The following PACS1 variants were observed in gnomAD, a reference collection of about 807,000 sequenced individuals.
PACS1 encodes the protein PACS-1.
In PACS1, 24 loss-of-function variants were observed where a neutral mutation model predicts 115.0. That is an observed-to-expected ratio of 0.21 (90% CI 0.15 to 0.29). The LOEUF (loss-of-function observed/expected upper bound fraction) is 0.29. Ranked by LOEUF, PACS1 falls within the 10% of genes least tolerant of loss-of-function variation. The probability of loss-of-function intolerance (pLI) is 1.00; values close to 1 mark genes in which losing one functional copy is unlikely to be tolerated. For synonymous variants in PACS1, 453 were observed against 504.5 expected (o/e 0.90, Z 1.37); for missense variants, 838 against 1,251.2 (o/e 0.67, Z 4.98).
rs149888487 is a variant in PACS1, at chr11:66,215,878, C to T, written c.661-241C>T. ...TCACGCCACTGCACTCCAGCCTGGG[C>T]GACAGTGAGAGACTCCGTCTCAAAA... On this transcript the variant is annotated intron_variant, in intron 4 of 23. Transcript: ENST00000320580. Among the ~76,000 whole-genome samples, 5,612 of 149,350 alleles carry T rather than the reference C, an allele frequency of 0.038. 185 individuals are homozygous for T. The highest frequency in any genetic ancestry group is 0.066 in the Admixed American group (981 of 14,954).
At chr11:66,227,457 T>G (rs1855490474) in intron 10 of PACS1, 47 bp from the exon 11 acceptor site, 4 of 1,037,530 alleles carry the variant, frequency 3.9e-6, no homozygotes, top group East Asian at 2.4e-5. Flanking sequence ...CAAATTAAAG[T>G]GGTAGTTATT....
intron 2 of PACS1, among the ~76,000 whole-genome samples, chr11:66,202,742 A>AAAAATATAT (rs1200930188): frequency 5.6e-5 from 4 of 71,608 alleles, no homozygotes; most frequent in African/African-American, 2.4e-4. Flanking sequence ...AAAAAAAAAA[A>AAAAATATAT]ATATATATAT....
Position 66,236,688 on chromosome 11 carries a change from G to A in PACS1, c.2250+748G>A, listed in dbSNP as rs1421742347. 6.6e-6 allele frequency among the ~76,000 whole-genome samples: 1 copy of A among 152,198 alleles called. No individual in the cohort carries two copies. Among genetic ancestry groups the A allele is most frequent in the Non-Finnish European group, 1.5e-5 (1 of 68,036 alleles). On this transcript the variant is annotated intron_variant, in intron 19 of 23. Transcript: ENST00000320580. This position sits in a 1 kb window ranked among gnomAD's most constrained non-coding sequence, Gnocchi z 4.2. ...CCAGAGGCCAGAGCATGGCACCGGA[G>A]CAGGACTGAAAACTCCGATTTCCAC... is the stretch of plus-strand genomic sequence containing the variant.
At chr11:66,153,014 G>C (rs931575610) in intron 1 of PACS1, among the ~76,000 whole-genome samples, 2 of 152,200 alleles carry the variant, frequency 1.3e-5, no homozygotes, top group African/African-American at 4.8e-5. Context: ...AATGATACCA[G>C]GTGGTAACTC....
At chr11:66,242,191 G>T (rs987687694) in intron 22 of PACS1, among the ~76,000 whole-genome samples, 1 of 152,218 alleles carries the variant, frequency 6.6e-6, no homozygotes. Context: ...GAGTGAGGCA[G>T]GAACCCCCAT....
chr11:66,151,297 T>C (rs1221546105), intron 1 of PACS1, among the ~76,000 whole-genome samples: 1 of 151,380 alleles, frequency 6.6e-6, no homozygotes, highest in Non-Finnish European at 1.5e-5. Flanking sequence ...ATCCCTAAAC[T>C]GTGAGCAGCG....
intron 2 of PACS1, among the ~76,000 whole-genome samples, chr11:66,196,859 A>G (rs1240030063): frequency 1.3e-5 from 2 of 152,046 alleles, no homozygotes; most frequent in East Asian, 3.9e-4. Flanking sequence ...TGGCCTCCCA[A>G]AGTGCTGGGA....
intron 10 of PACS1, among the ~76,000 whole-genome samples, chr11:66,225,156 G>T (rs1855446350): frequency 6.6e-6 from 1 of 152,158 alleles, no homozygotes; most frequent in Admixed American, 6.6e-5. Context: ...TTAGAGCCTA[G>T]TCCTTCATGA....
At chr11:66,152,152 T>G (rs1859254503) in intron 1 of PACS1, among the ~76,000 whole-genome samples, 1 of 152,164 alleles carries the variant, frequency 6.6e-6, no homozygotes, top group African/African-American at 2.4e-5. Flanking sequence ...GAGGATCGTT[T>G]GAGCCCAAGA....
intron 1 of PACS1, among the ~76,000 whole-genome samples, chr11:66,089,059 C>T (rs1242212363): frequency 6.6e-6 from 1 of 152,124 alleles, no homozygotes; most frequent in Non-Finnish European, 1.5e-5. Context: ...GTAGGCCCTA[C>T]AAAACCTCAT....
intron 1 of PACS1, among the ~76,000 whole-genome samples, chr11:66,167,890 G>C (rs2134635256): frequency 6.7e-6 from 1 of 150,124 alleles, no homozygotes; most frequent in Non-Finnish European, 1.5e-5. Context: ...TTCAACTACT[G>C]TTTCTTTACA....
rs139904260 is a variant in PACS1 at position 66,125,002 on chromosome 11, G to A, written c.356+54160G>A. Among the ~76,000 whole-genome samples, 273 of 152,290 alleles carry A rather than the reference G, an allele frequency of 1.8e-3. 2 individuals are homozygous for A. The highest frequency in any genetic ancestry group is 6.4e-3 in the African/African-American group (265 of 41,548). On this transcript the variant is annotated intron_variant, in intron 1 of 23. Coordinates refer to ENST00000320580, the MANE Select transcript of PACS1 (RefSeq NM_018026.4). ...CACCAGAACATCCCATTGAGGAGGA[G>A]GAACTGTTTCTTTCCATGTCTGTCT...
intron 3 of PACS1, 79 bp from the exon 4 acceptor site, chr11:66,211,055 A>G: frequency 6.6e-7 from 1 of 1,517,274 alleles, no homozygotes; most frequent in Non-Finnish European, 9.1e-7. Context: ...TGAAGCACAG[A>G]AAGACTGTGT....
intron 1 of PACS1, among the ~76,000 whole-genome samples, chr11:66,082,811 T>C (rs1157406579): frequency 1.3e-5 from 2 of 152,186 alleles, no homozygotes; most frequent in East Asian, 1.9e-4. Context: ...GCCAAGATCA[T>C]GCCATTGCAC....
chr11:66,091,507 T>A (rs1857665802), intron 1 of PACS1, among the ~76,000 whole-genome samples: 1 of 151,022 alleles, frequency 6.6e-6, no homozygotes. Flanking sequence ...GTTGTTGTTT[T>A]TTTTCTTTTT....
intron 1 of PACS1, among the ~76,000 whole-genome samples, chr11:66,123,014 TTAATG>T (rs1430331008): frequency 2.0e-5 from 3 of 152,132 alleles, no homozygotes. Context: ...AGAGAAATCT[TTAATG>T]AAAGGAAGAG....
intron 21 of PACS1, 105 bp downstream of exon 21, chr11:66,239,382 G>T (rs1332739618): frequency 3.7e-6 from 5 of 1,340,680 alleles, no homozygotes; most frequent in Non-Finnish European, 1.0e-6. Flanking sequence ...AGGAAGCCGG[G>T]CGTGGTAGTG....
At chr11:66,120,917 A>G in intron 1 of PACS1, 1 of 430,930 alleles carries the variant, frequency 2.3e-6, no homozygotes. Context: ...CCCTTGCCCC[A>G]GCCCTGTGCT....
intron 11 of PACS1, among the ~76,000 whole-genome samples, chr11:66,228,646 T>G (rs1462577470): frequency 6.6e-6 from 1 of 152,122 alleles, no homozygotes; most frequent in Non-Finnish European, 1.5e-5. Flanking sequence ...AGAAGCCGAA[T>G]GCCAAAAAAT....
Sources: allele counts gnomAD v4.1 joint callset (sites outside exome capture counted in the v4.1 genomes callset), GRCh38; gene constraint gnomAD v4.1.1; non-coding constraint Gnocchi (gnomAD v3.1); transcripts MANE v1.5; gene names NCBI Gene and HGNC (gene_info 2026-07-23, HGNC 2026-07-21).